METTL14: variants seen among roughly 807,000 people sequenced by gnomAD.
The protein encoded by METTL14 is methyltransferase 14, N6-adenosine-methyltransferase non-catalytic subunit.
In METTL14, 32 loss-of-function variants were observed where a neutral mutation model predicts 62.4. That is an observed-to-expected ratio of 0.51 (90% CI 0.39 to 0.69). The LOEUF is 0.69. Ranked by LOEUF, METTL14 falls within the 30% of genes least tolerant of loss-of-function variation. The pLI is 0.00. For synonymous variants in METTL14, 150 were observed against 180.0 expected, an observed-to-expected ratio of 0.83 and a Z score of 1.34; for missense variants, 340 against 551.9, an observed-to-expected ratio of 0.62 and a Z score of 3.85.
At chr4:118,698,939 T>G in intron 7 of METTL14, among the ~76,000 whole-genome samples, 1 of 152,146 alleles carries the variant, frequency 6.6e-6, no homozygotes, top group Non-Finnish European at 1.5e-5. Flanking sequence ...GGACTGACAG[T>G]AAAGCCGGGA....
chr4:118,710,961 T>C lies in METTL14; in HGVS notation c.*659T>C, dbSNP rs1324403482. 3 of 151,904 alleles carry C rather than the reference T, an allele frequency of 2.0e-5. No individual in the cohort carries two copies. The highest frequency in any genetic ancestry group is 4.4e-5 in the Non-Finnish European group (3 of 68,002). The allele number at this position is 151,904 out of a possible 1,614,324, so 9.4% of individuals were successfully genotyped here. ...GTTTATCATCATAATCTCAATTTTG[T>C]GGCTATGACTCCTAATCACGCTTCC... is the stretch of plus-strand genomic sequence containing the variant. On this transcript the variant is annotated 3_prime_UTR_variant, in exon 11 of 11. Transcript: ENST00000388822.
At chr4:118,697,383 TGGTCA>T in intron 7 of METTL14, 60 bp downstream of exon 7, 1 of 1,406,624 alleles carries the variant, frequency 7.1e-7, no homozygotes, top group Non-Finnish European at 9.6e-7. Context: ...TATGTTTATT[TGGTCA>T]GAAAGTGAGA....
rs1017499142 is a variant in METTL14 at position 118,714,677 on chromosome 4, C to G, written c.*4375C>G. On this transcript the variant is annotated 3_prime_UTR_variant, in exon 11 of 11. Coordinates refer to ENST00000388822, the MANE Select transcript of METTL14 (RefSeq NM_020961.4). Reference sequence around the variant, plus strand: ...TCTTGGCTCACTGCAACCTCCGCCTCCAGGGTTGAAGCGATTCTTCTGCCT... The same window carrying G: ...TCTTGGCTCACTGCAACCTCCGCCTGCAGGGTTGAAGCGATTCTTCTGCCT... The G allele has an allele frequency of 1.3e-5, 2 of 152,238 alleles. No homozygotes were observed. The highest frequency in any genetic ancestry group is 4.8e-5 in the African/African-American group (2 of 41,450). The allele number at this position is 152,238 out of a possible 1,614,324, so 9.4% of individuals were successfully genotyped here.
In METTL14 at chr4:118,696,951, A is replaced by C. The variant is rs1371184265; in HGVS notation, c.504-231A>C. On this transcript the variant is annotated intron_variant, in intron 6 of 10. Coordinates refer to ENST00000388822, the MANE Select transcript of METTL14 (RefSeq NM_020961.4). ...TTTACTATGTAGTTTAATTACGTTCATGTCTTAAGAAAGATCACTGGTAGA... is the reference window on the plus strand; with the variant it reads ...TTTACTATGTAGTTTAATTACGTTCCTGTCTTAAGAAAGATCACTGGTAGA... Among the ~76,000 whole-genome samples, 3 of 152,168 alleles carry C rather than the reference A, an allele frequency of 2.0e-5. No individual in the cohort carries two copies. In the East Asian group the frequency reaches 5.8e-4, roughly 29 times the overall value.
At chr4:118,689,808 T>G (rs766988519) in intron 3 of METTL14, among the ~76,000 whole-genome samples, 6 of 151,506 alleles carry the variant, frequency 4.0e-5, no homozygotes, top group Admixed American at 2.6e-4. Context: ...CCCAGCTAAT[T>G]TTTGTATTTT....
chr4:118,711,899 A>G lies in METTL14; in HGVS notation c.*1597A>G, dbSNP rs1396621768. The G allele has an allele frequency of 6.6e-6, 1 of 152,124 alleles. No homozygotes were observed. The highest frequency in any genetic ancestry group is 2.4e-5 in the African/African-American group (1 of 41,428). 9.4% of individuals were successfully genotyped at this position (152,124 alleles called of 1,614,324 possible). A position where few individuals can be genotyped will look rare whatever the true frequency, so the allele number is the denominator to read the frequency against. ...CCCTGTCCTATACACAGGGCTCTCT[A>G]TTACGTTCCATACCCTGGGCCTACC... On this transcript the variant is annotated 3_prime_UTR_variant, in exon 11 of 11. Coordinates refer to ENST00000388822, the MANE Select transcript of METTL14 (RefSeq NM_020961.4).
intron 8 of METTL14, among the ~76,000 whole-genome samples, chr4:118,701,462 A>G (rs1724587858): frequency 6.6e-6 from 1 of 152,180 alleles, no homozygotes; most frequent in African/African-American, 2.4e-5. Flanking sequence ...TTAGGATTAC[A>G]GGCATGAGCC....
At chr4:118,686,854 A>T (rs1724080930) in intron 1 of METTL14, among the ~76,000 whole-genome samples, 1 of 152,206 alleles carries the variant, frequency 6.6e-6, no homozygotes, top group Non-Finnish European at 1.5e-5. Flanking sequence ...AAAGTCTTTT[A>T]TGAATTGGTT....
chr4:118,706,614 T>C (rs1724762424), intron 10 of METTL14, among the ~76,000 whole-genome samples: 1 of 152,190 alleles, frequency 6.6e-6, no homozygotes, highest in African/African-American at 2.4e-5. Context: ...GCACAAATGC[T>C]GGATTGTATG....
intron 5 of METTL14, among the ~76,000 whole-genome samples, chr4:118,692,339 C>T (rs1388253599): frequency 6.6e-6 from 1 of 151,776 alleles, no homozygotes; most frequent in Non-Finnish European, 1.5e-5. Context: ...AGCGATTCTC[C>T]TGCCTCAGCC....
At chr4:118,686,168 T>G (rs1013011895) in intron 1 of METTL14, among the ~76,000 whole-genome samples, 1 of 152,228 alleles carries the variant, frequency 6.6e-6, no homozygotes, top group African/African-American at 2.4e-5. Flanking sequence ...CAGGTATTAT[T>G]ACCTTCACTT....
intron 10 of METTL14, among the ~76,000 whole-genome samples, chr4:118,709,719 T>C (rs1441122976): frequency 6.6e-6 from 1 of 152,186 alleles, no homozygotes; most frequent in African/African-American, 2.4e-5. Context: ...CAGTGTAATG[T>C]ATGGGATTTT....
At chr4:118,692,636 GTAT>G (rs1724285343) in intron 5 of METTL14, among the ~76,000 whole-genome samples, 1 of 151,804 alleles carries the variant, frequency 6.6e-6, no homozygotes, top group Admixed American at 6.6e-5. Context: ...CTCCAGTTTG[GTAT>G]TATGCCTATT....
intron 1 of METTL14, chr4:118,686,715 GT>G: frequency 2.2e-6 from 1 of 450,208 alleles, no homozygotes; most frequent in South Asian, 1.6e-5. Context: ...GTAGCTCTTT[GT>G]TGCTACCACA....
chr4:118,690,311 T>C (rs1183105567), intron 3 of METTL14, among the ~76,000 whole-genome samples: 1 of 151,718 alleles, frequency 6.6e-6, no homozygotes, highest in African/African-American at 2.4e-5. Context: ...GTGCTGGGAT[T>C]ATAGGCGTGA....
chr4:118,694,538 T>A lies in METTL14; in HGVS notation c.503+12T>A. 1 of 1,583,008 alleles carries A rather than the reference T, an allele frequency of 6.3e-7. No homozygotes were observed. Among genetic ancestry groups the A allele is most frequent in the Non-Finnish European group, 8.7e-7 (1 of 1,152,728 alleles). The stretch of plus-strand genomic sequence containing the variant: ...AACACTCCTCCCATGTAAGTGTTTT[T>A]ATTCAATTACTGTTTATTCCCAACT... On this transcript the variant is annotated intron_variant, in intron 6 of 10. Coordinates refer to ENST00000388822, the MANE Select transcript of METTL14 (RefSeq NM_020961.4).
Position 118,705,805 on chromosome 4 carries a change from T to G in METTL14, c.1050T>G (p.Asp350Glu). The G allele has an allele frequency of 1.2e-6, 2 of 1,613,562 alleles. No individual in the cohort carries two copies. The highest frequency in any genetic ancestry group is 1.7e-6 in the Non-Finnish European group (2 of 1,179,722). Reference sequence around the variant, plus strand: ...GACGCCTTCATCTATTTGGAAGAGATAGTACAATTCGACCAGGTAGGACCT... The same window carrying G: ...GACGCCTTCATCTATTTGGAAGAGAGAGTACAATTCGACCAGGTAGGACCT... Reference protein sequence around the residue: ...GRRRLHLFGRDSTIRPGWLTV... With the variant: ...GRRRLHLFGRESTIRPGWLTV... Residue 350 changes from aspartate to glutamate, a missense_variant, in exon 10 of 11, where the codon GAT (aspartate) becomes GAG (glutamate). This residue lies in a region of METTL14 where 62 missense variants were observed against 82.3 expected (regional missense o/e 0.75). Transcript: ENST00000388822.
intron 5 of METTL14, among the ~76,000 whole-genome samples, chr4:118,692,742 A>G (rs1289548308): frequency 6.6e-6 from 1 of 152,108 alleles, no homozygotes; most frequent in Non-Finnish European, 1.5e-5. Flanking sequence ...AGAATTGTGC[A>G]ACTATTTTCA....
intron 5 of METTL14, among the ~76,000 whole-genome samples, chr4:118,692,885 G>A (rs1054438138): frequency 3.3e-5 from 5 of 151,774 alleles, no homozygotes; most frequent in African/African-American, 7.3e-5. Context: ...ATTTCTATAC[G>A]TTTGCCTATT....
Sources: gnomAD v4.1 joint callset for allele counts (sites outside exome capture counted in the v4.1 genomes callset) on GRCh38, gnomAD v4.1.1 for gene constraint, gnomAD v4.1.1 regional missense constraint, MANE v1.5 for transcripts, NCBI Gene and HGNC (gene_info 2026-07-23, HGNC 2026-07-21) for gene names.